Variants in R3HDM2 observed in about 807,000 individuals in gnomAD.
R3HDM2 encodes the protein R3H domain containing 2.
A neutral mutation model predicts 124.5 loss-of-function variants in R3HDM2; 38 were observed. That is an observed-to-expected ratio of 0.31 (90% CI 0.24 to 0.40). R3HDM2 has a LOEUF of 0.40. Among genes scored for constraint, R3HDM2 ranks in the 10% least tolerant of loss-of-function variants. R3HDM2 has a pLI of 1.00. For missense variants in R3HDM2, 869 were observed against 1,236.9 expected (o/e 0.70, Z 4.46); for synonymous variants, 391 against 448.0 (o/e 0.87, Z 1.61).
chr12:57,320,520 A>C (rs1481502536), intron 2 of R3HDM2, among the ~76,000 whole-genome samples: 3 of 152,104 alleles, frequency 2.0e-5, no homozygotes, highest in Non-Finnish European at 2.9e-5. Flanking sequence ...TGTACATTTC[A>C]TCCAGCCAAA....
chr12:57,263,693 G>A (rs1458983505), intron 19 of R3HDM2, among the ~76,000 whole-genome samples: 2 of 152,048 alleles, frequency 1.3e-5, no homozygotes, highest in Non-Finnish European at 2.9e-5. Flanking sequence ...GGCTGGTCTC[G>A]AACTCCTGGC....
intron 19 of R3HDM2, among the ~76,000 whole-genome samples, chr12:57,261,886 G>C (rs867520096): frequency 6.6e-6 from 1 of 151,918 alleles, no homozygotes; most frequent in African/African-American, 2.4e-5. Flanking sequence ...ATCAATTTCA[G>C]CTTGAAAGCT....
chr12:57,381,610 T>A (rs1230471763), intron 2 of R3HDM2, among the ~76,000 whole-genome samples: 1 of 150,938 alleles, frequency 6.6e-6, no homozygotes, highest in Non-Finnish European at 1.5e-5. Flanking sequence ...CAGATGTATC[T>A]CTAATAAAGA....
intron 2 of R3HDM2, among the ~76,000 whole-genome samples, chr12:57,377,122 G>GA (rs35453025): frequency 0.84 from 110,444 of 131,648 alleles, 46,989 homozygotes; most frequent in Non-Finnish European, 0.95. Flanking sequence ...CTTGGTCTCA[G>GA]AAAAAAAAAA....
intron 2 of R3HDM2, among the ~76,000 whole-genome samples, chr12:57,373,939 C>A (rs2063693174): frequency 1.3e-5 from 2 of 151,652 alleles, no homozygotes; most frequent in African/African-American, 2.4e-5. Flanking sequence ...ACCAGCCTGG[C>A]CAACATGGTG....
chr12:57,349,744 T>C (rs532179698), intron 2 of R3HDM2, among the ~76,000 whole-genome samples: 33 of 151,874 alleles, frequency 2.2e-4, no homozygotes, highest in Non-Finnish European at 2.9e-4. Context: ...GTATTTTTAG[T>C]AGAGACGGGG....
At chr12:57,370,130 G>A (rs1594059191) in intron 2 of R3HDM2, among the ~76,000 whole-genome samples, 1 of 152,308 alleles carries the variant, frequency 6.6e-6, no homozygotes, top group South Asian at 2.1e-4. Flanking sequence ...ACATGTGTGA[G>A]GGAGGGAGGC....
intron 4 of R3HDM2, among the ~76,000 whole-genome samples, chr12:57,302,811 G>A (rs1566048068): frequency 6.6e-6 from 1 of 151,744 alleles, no homozygotes; most frequent in South Asian, 2.1e-4. Context: ...AAAAAAGAAG[G>A]GGGAATAAAA....
chr12:57,284,692 T>C (rs1013470130), intron 12 of R3HDM2, among the ~76,000 whole-genome samples: 2 of 152,202 alleles, frequency 1.3e-5, no homozygotes, highest in African/African-American at 4.8e-5. Context: ...CTGCGAACAA[T>C]TGGTTTCAGG....
At chr12:57,265,798 T>G (rs1362725145) in intron 19 of R3HDM2, among the ~76,000 whole-genome samples, 1 of 150,890 alleles carries the variant, frequency 6.6e-6, no homozygotes, top group Non-Finnish European at 1.5e-5. Flanking sequence ...ACTCTTGGCT[T>G]GTTTTTTTTT....
intron 2 of R3HDM2, among the ~76,000 whole-genome samples, chr12:57,379,065 G>A (rs911317853): frequency 6.6e-6 from 1 of 152,170 alleles, no homozygotes; most frequent in Admixed American, 6.5e-5. Context: ...TGGGGGAAAG[G>A]GGGAGAGGAG....
At chr12:57,386,554 C>G (rs919742417) in intron 2 of R3HDM2, among the ~76,000 whole-genome samples, 33 of 152,326 alleles carry the variant, frequency 2.2e-4, no homozygotes, top group African/African-American at 7.7e-4. Context: ...CCTCCCCCCG[C>G]TTCTGTGGGC....
rs1566405448 is a variant in R3HDM2 at position 57,377,107 on chromosome 12, A to AAATAAATAAATAAAT, written c.-36+18641_-36+18642insATTTATTTATTTATT. 3.7e-3 allele frequency among the ~76,000 whole-genome samples: 69 copies of AAATAAATAAATAAAT among 18,430 alleles called. 1 individual carries two copies. The highest frequency in any genetic ancestry group is 0.013 in the Admixed American group (19 of 1,504). 12.1% of individuals were successfully genotyped at this position (18,430 alleles called of 152,430 possible). On this transcript the variant is annotated intron_variant, in intron 2 of 23. Transcript: ENST00000402412. ...ATAAATAAATAAATAAATAAATAAA[A>AAATAAATAAATAAAT]GAGACTTGGTCTCAGAAAAAAAAAA... is the stretch of plus-strand genomic sequence containing the variant.
At chr12:57,269,138 C>A in intron 16 of R3HDM2, 56 bp from the exon 17 acceptor site, 1 of 1,592,828 alleles carries the variant, frequency 6.3e-7, no homozygotes, top group Non-Finnish European at 8.6e-7. Flanking sequence ...AGGTCACACT[C>A]TATCTGTAAT....
intron 4 of R3HDM2, among the ~76,000 whole-genome samples, chr12:57,302,271 T>G (rs895947960): frequency 1.3e-5 from 2 of 151,554 alleles, no homozygotes; most frequent in Non-Finnish European, 1.5e-5. Context: ...TAAGACTCCA[T>G]CTCAAAAAGA....
chr12:57,297,031 G>A (rs2050037560), intron 8 of R3HDM2: 1 of 280,150 alleles, frequency 3.6e-6, no homozygotes, highest in Admixed American at 5.0e-5. Flanking sequence ...TCCAGCCTAG[G>A]CGACAAAGAA....
intron 2 of R3HDM2, among the ~76,000 whole-genome samples, chr12:57,352,494 T>G (rs2060794403): frequency 7.0e-6 from 1 of 142,456 alleles, no homozygotes; most frequent in African/African-American, 2.5e-5. Flanking sequence ...GGCAAACGCT[T>G]TTTTTTTTTT....
chr12:57,323,297 G>T (rs1014816199), intron 2 of R3HDM2, among the ~76,000 whole-genome samples: 1 of 152,192 alleles, frequency 6.6e-6, no homozygotes, highest in Admixed American at 6.5e-5. Flanking sequence ...AGGTCCTACT[G>T]AGTTATGAGT....
chr12:57,421,179 T>C (rs1235096084), intron 1 of R3HDM2, among the ~76,000 whole-genome samples: 1 of 122,570 alleles, frequency 8.2e-6, no homozygotes, highest in African/African-American at 2.9e-5. Flanking sequence ...TTTTTTTTTT[T>C]CTGAGACAGA....
Sources: allele counts gnomAD v4.1 joint callset (sites outside exome capture counted in the v4.1 genomes callset), GRCh38; gene constraint gnomAD v4.1.1; transcripts MANE v1.5; gene names NCBI Gene and HGNC (gene_info 2026-07-23, HGNC 2026-07-21).